PSMG2: variants seen among roughly 807,000 people sequenced by gnomAD.
PSMG2 encodes CD40 ligand-activated specific transcript 3.
In PSMG2, 21 loss-of-function variants were observed where a neutral mutation model predicts 31.5. That is an observed-to-expected ratio of 0.67 (90% CI 0.47 to 0.96). The LOEUF (loss-of-function observed/expected upper bound fraction) is 0.96, where lower values mean the gene tolerates loss of function less well. Among genes scored for constraint, PSMG2 ranks in the 40% least tolerant of loss-of-function variants. PSMG2 has a pLI of 0.00. For synonymous variants in PSMG2, 120 were observed against 110.4 expected, an observed-to-expected ratio of 1.09 and a Z score of -0.54; for missense variants, 318 against 321.2, an observed-to-expected ratio of 0.99 and a Z score of 0.08.
chr18:12,721,191 G>T (rs1025687656), intron 5 of PSMG2, among the ~76,000 whole-genome samples: 2 of 152,100 alleles, frequency 1.3e-5, no homozygotes, highest in East Asian at 1.9e-4. Context: ...AAGAAAAAAA[G>T]AAAATATATT....
chr18:12,690,625 T>G (rs2039720597), intron 1 of PSMG2, among the ~76,000 whole-genome samples: 2 of 152,070 alleles, frequency 1.3e-5, no homozygotes, highest in South Asian at 4.1e-4. Flanking sequence ...CCGGCTAATT[T>G]TTTGTGTTTT....
chr18:12,678,380 T>G, intron 1 of PSMG2: 2 of 1,614,160 alleles, frequency 1.2e-6, no homozygotes, highest in Non-Finnish European at 1.7e-6. Context: ...TCGATATGGG[T>G]ACAGTGGTTT....
intron 1 of PSMG2, among the ~76,000 whole-genome samples, chr18:12,683,665 C>T (rs1292689376): frequency 2.0e-5 from 3 of 149,684 alleles, no homozygotes; most frequent in Non-Finnish European, 4.4e-5. Flanking sequence ...GCAGGAGAAT[C>T]GCTTGAACCC....
At chr18:12,693,479 A>G (rs2039839746) in intron 1 of PSMG2, among the ~76,000 whole-genome samples, 1 of 152,110 alleles carries the variant, frequency 6.6e-6, no homozygotes, top group Non-Finnish European at 1.5e-5. Flanking sequence ...TAGAGCCCAA[A>G]CATTTACTTT....
intron 1 of PSMG2, chr18:12,673,549 C>CT: frequency 7.1e-7 from 1 of 1,405,080 alleles, no homozygotes. Context: ...TGACCATACA[C>CT]TTTAATTCCT....
intron 1 of PSMG2, chr18:12,691,261 T>C: frequency 4.0e-6 from 3 of 752,928 alleles, no homozygotes; most frequent in South Asian, 6.3e-5. Flanking sequence ...CTTTTATTTT[T>C]TGGAATACAT....
intron 1 of PSMG2, chr18:12,678,436 G>A: frequency 6.4e-7 from 1 of 1,572,754 alleles, no homozygotes; most frequent in African/African-American, 1.4e-5. Flanking sequence ...TAGGTTTATG[G>A]ATGTACCTAA....
intron 1 of PSMG2, chr18:12,685,230 C>T (rs970531696): frequency 3.9e-5 from 6 of 152,098 alleles, no homozygotes; most frequent in Admixed American, 3.3e-4. Flanking sequence ...GAACTCCTGA[C>T]CTCAGGTGAT....
At chr18:12,702,072 G>C (rs529990667), upstream of PSMG2, among the ~76,000 whole-genome samples, 2 of 152,206 alleles carry the variant, frequency 1.3e-5, no homozygotes, top group East Asian at 3.9e-4. Context: ...GTTGCAGTGA[G>C]CCGAGATCGT....
In PSMG2 at chr18:12,685,600, C is replaced by A. The variant is rs574708105; in HGVS notation, c.-36-20950C>A. On this transcript the variant is annotated intron_variant, in intron 1 of 6. Transcript: ENST00000585331. ...GGTTAGTTCCAGGACCCTTGCAAAA[C>A]AAAATCCGTGGATACTCAAGGCTTA... The A allele has an allele frequency of 2.0e-5, 3 of 151,838 alleles. No homozygotes were observed. The South Asian group carries it at 6.2e-4, about 32-fold the overall frequency. The allele number at this position is 151,838 out of a possible 1,614,324, so 9.4% of individuals were successfully genotyped here.
At chr18:12,697,378 G>A (rs1403516009) in intron 1 of PSMG2, 6 of 1,611,034 alleles carry the variant, frequency 3.7e-6, no homozygotes, top group South Asian at 1.1e-5. Context: ...TGATAACATT[G>A]TTGTTGAATC....
chr18:12,699,269 TA>T, upstream of PSMG2: 2 of 1,158,702 alleles, frequency 1.7e-6, no homozygotes, highest in East Asian at 4.7e-5. Flanking sequence ...ATCAAGACAT[TA>T]GGAAATAAAA....
chr18:12,670,466 A>T (rs1303605852), intron 1 of PSMG2: 1 of 152,216 alleles, frequency 6.6e-6, no homozygotes, highest in Non-Finnish European at 1.5e-5. Flanking sequence ...GTTTACACCA[A>T]AAGCACATTT....
intron 1 of PSMG2, among the ~76,000 whole-genome samples, chr18:12,681,256 ATT>A (rs34816720): frequency 0.23 from 26,267 of 114,900 alleles, 2,842 homozygotes; most frequent in Non-Finnish European, 0.31. Flanking sequence ...AAAGTAGAAC[ATT>A]TTTTTTTTTT....
intron 1 of PSMG2, chr18:12,661,450 G>T: frequency 1.7e-6 from 1 of 595,406 alleles, no homozygotes; most frequent in Non-Finnish European, 2.1e-6. Flanking sequence ...TAACAGCACT[G>T]TCCCATTTTC....
chr18:12,702,754 T>A, upstream of PSMG2: 1 of 598,070 alleles, frequency 1.7e-6, no homozygotes, highest in East Asian at 3.1e-5. Flanking sequence ...GCCAACTGTT[T>A]TCAAACAGTG....
upstream of PSMG2, chr18:12,698,795 T>G (rs997507728): frequency 1.7e-5 from 10 of 573,478 alleles, no homozygotes; most frequent in Non-Finnish European, 2.8e-5. Context: ...CCAGGGAAAA[T>G]GAATAGCAAA....
intron 1 of PSMG2, among the ~76,000 whole-genome samples, chr18:12,673,737 C>A (rs1045824527): frequency 2.0e-5 from 3 of 151,866 alleles, no homozygotes; most frequent in Non-Finnish European, 2.9e-5. Context: ...AAAAATTAGC[C>A]GCGTGTGGTG....
At chr18:12,678,153 CATTACTT>C (rs1225761125) in intron 1 of PSMG2, 1 of 1,613,980 alleles carries the variant, frequency 6.2e-7, no homozygotes, top group Non-Finnish European at 8.5e-7. Flanking sequence ...ATTTCAATTT[CATTACTT>C]GTTACTGACG....
Sources: allele counts gnomAD v4.1 joint callset (sites outside exome capture counted in the v4.1 genomes callset), GRCh38; gene constraint gnomAD v4.1.1; transcripts MANE v1.5; gene names NCBI Gene and HGNC (gene_info 2026-07-23, HGNC 2026-07-21).